Variants in CSMD1 observed in about 807,000 individuals in gnomAD.
CSMD1 encodes CUB and Sushi multiple domains 1.
CSMD1 carries 213 observed loss-of-function variants against 417.5 expected under a neutral mutation model. That is an observed-to-expected ratio of 0.51 (90% CI 0.46 to 0.57). The LOEUF is 0.57. Among genes scored for constraint, CSMD1 ranks in the 20% least tolerant of loss-of-function variants. CSMD1 has a pLI of 0.00. For synonymous variants in CSMD1, 2,862 were observed against 1,736.8 expected, an observed-to-expected ratio of 1.65 and a Z score of -16.11; for missense variants, 6,923 against 4,529.7, an observed-to-expected ratio of 1.53 and a Z score of -15.17.
chr8:3,523,294 C>A (rs1306338928), intron 10 of CSMD1, among the ~76,000 whole-genome samples: 25 of 152,162 alleles, frequency 1.6e-4, no homozygotes, highest in Admixed American at 1.6e-3. Flanking sequence ...TAACCTATTT[C>A]TGTAATTATT....
At position 4,251,178 on chromosome 8, in the gene CSMD1, A is replaced by G. The variant is rs1803043417; in HGVS notation, c.415+168775T>C. On this transcript the variant is annotated intron_variant, in intron 3 of 69. Transcript: ENST00000635120. The stretch of plus-strand genomic sequence containing the variant: ...ATACAAGGCCAATGAAGAAAGGAAT[A>G]TAATAGAAAGTGAACAAGTTTACAA... Among the ~76,000 whole-genome samples the G allele has an allele frequency of 2.0e-5, 3 of 152,204 alleles. No homozygotes were observed. The South Asian group carries it at 6.2e-4, about 32-fold the overall frequency.
At chr8:3,540,671 C>G (rs1325028415) in intron 10 of CSMD1, among the ~76,000 whole-genome samples, 1 of 151,710 alleles carries the variant, frequency 6.6e-6, no homozygotes, top group African/African-American at 2.4e-5. Flanking sequence ...ACAAGGAACT[C>G]AAACAAATTT....
chr8:3,933,253 G>T (rs1252616484), intron 5 of CSMD1, among the ~76,000 whole-genome samples: 5 of 152,146 alleles, frequency 3.3e-5, no homozygotes, highest in Non-Finnish European at 7.4e-5. Context: ...TAGAGTACGT[G>T]TTAAATTGAC....
chr8:3,886,852 C>A (rs185435577), intron 5 of CSMD1, among the ~76,000 whole-genome samples: 1 of 152,116 alleles, frequency 6.6e-6, no homozygotes, highest in Non-Finnish European at 1.5e-5. Context: ...AAACTTTCTG[C>A]CCTCAATGGC....
chr8:4,555,695 G>T (rs1400532208), intron 2 of CSMD1, among the ~76,000 whole-genome samples: 1 of 152,112 alleles, frequency 6.6e-6, no homozygotes, highest in African/African-American at 2.4e-5. Context: ...GTCTCTTTAG[G>T]GGTGAGATTC....
intron 1 of CSMD1, among the ~76,000 whole-genome samples, chr8:4,957,038 C>T (rs1345611439): frequency 6.6e-6 from 1 of 152,172 alleles, no homozygotes; most frequent in Non-Finnish European, 1.5e-5. Context: ...AGAAGAAATT[C>T]AGGAAGAGGA....
At chr8:4,166,012 C>T (rs1417545702) in intron 3 of CSMD1, among the ~76,000 whole-genome samples, 6 of 152,132 alleles carry the variant, frequency 3.9e-5, no homozygotes, top group Admixed American at 6.5e-5. Context: ...CTGTACATCT[C>T]TTTATATCCT....
intron 40 of CSMD1, among the ~76,000 whole-genome samples, chr8:3,148,317 G>A (rs1349694924): frequency 3.9e-5 from 6 of 152,084 alleles, no homozygotes; most frequent in Admixed American, 3.9e-4. Flanking sequence ...AATTTCCAAG[G>A]GTGTGATCTG....
At chr8:3,103,284 G>C (rs1000126357) in intron 46 of CSMD1, among the ~76,000 whole-genome samples, 2 of 152,064 alleles carry the variant, frequency 1.3e-5, no homozygotes, top group Non-Finnish European at 2.9e-5. Context: ...TTCCTCCTCA[G>C]TTTATCTGCA....
At chr8:3,774,391 A>T (rs1014124380) in intron 5 of CSMD1, among the ~76,000 whole-genome samples, 4 of 152,178 alleles carry the variant, frequency 2.6e-5, no homozygotes, top group Non-Finnish European at 4.4e-5. Flanking sequence ...GATGCAAAAC[A>T]CAAGTTTTTC....
rs183627967 is a variant in CSMD1 at position 4,124,692 on chromosome 8, T to G, written c.416-92593A>C. On this transcript the variant is annotated intron_variant, in intron 3 of 69. Transcript: ENST00000635120. ...AATCTGGCTGGACTTCCTAGGTCAA[T>G]AGGGACTTCCCTAAGGGGGCTTTTC... 2.0e-4 allele frequency among the ~76,000 whole-genome samples: 31 copies of G among 152,308 alleles called. No individual in the cohort carries two copies. In the East Asian group the frequency reaches 4.1e-3, roughly 20 times the overall value.
chr8:4,220,700 C>A (rs1800977660), intron 3 of CSMD1, among the ~76,000 whole-genome samples: 1 of 152,090 alleles, frequency 6.6e-6, no homozygotes, highest in East Asian at 1.9e-4. Context: ...AGAACATTTC[C>A]CAGGTGCATG....
At chr8:4,918,656 C>A (rs757960294) in intron 1 of CSMD1, among the ~76,000 whole-genome samples, 5 of 152,120 alleles carry the variant, frequency 3.3e-5, no homozygotes, top group Non-Finnish European at 7.3e-5. Flanking sequence ...TCTTTCTTGA[C>A]CCAATCTCAC....
chr8:3,981,500 T>TAAAAAAAAAAAAAAAA (rs200296436), intron 5 of CSMD1, among the ~76,000 whole-genome samples: 11 of 115,068 alleles, frequency 9.6e-5, no homozygotes, highest in South Asian at 2.8e-4. Flanking sequence ...TAGAAAAAAG[T>TAAAAAAAAAAAAAAAA]AAAAAAAAAA....
chr8:4,115,631 C>T (rs1291117592), intron 3 of CSMD1, among the ~76,000 whole-genome samples: 2 of 152,192 alleles, frequency 1.3e-5, no homozygotes, highest in South Asian at 2.1e-4. Flanking sequence ...TCCACACTTA[C>T]CTGAATGTTT....
intron 23 of CSMD1, among the ~76,000 whole-genome samples, chr8:3,315,477 T>C (rs1422301673): frequency 7.5e-6 from 1 of 133,476 alleles, no homozygotes; most frequent in African/African-American, 2.6e-5. Context: ...TTAAACTATC[T>C]TTTAAATTAT....
chr8:3,906,090 C>G (rs1359283840), intron 5 of CSMD1, among the ~76,000 whole-genome samples: 8 of 152,112 alleles, frequency 5.3e-5, no homozygotes, highest in Non-Finnish European at 8.8e-5. Context: ...TCTTTCCTTC[C>G]CATGATGCTA....
Position 4,077,297 on chromosome 8 carries a change from G to GTATATATATATATA in CSMD1, c.416-45212_416-45199dup, listed in dbSNP as rs200304943. Among the ~76,000 whole-genome samples, 208 of 121,250 alleles carry GTATATATATATATA rather than the reference G, an allele frequency of 1.7e-3. 3 individuals carry two copies. The highest frequency in any genetic ancestry group is 4.4e-3 in the African/African-American group (127 of 28,544). 79.5% of individuals were successfully genotyped at this position (121,250 alleles called of 152,430 possible). On this transcript the variant is annotated intron_variant, in intron 3 of 69. Coordinates refer to ENST00000635120, the MANE Select transcript of CSMD1 (RefSeq NM_033225.6). Reference sequence around the variant, plus strand: ...TTGTCACCTATATATATATATATGTGTATATATATATATATATATATATAT... The same window carrying GTATATATATATATA: ...TTGTCACCTATATATATATATATGTGTATATATATATATATATATATATATATATATATATATAT...
chr8:3,101,692 T>G (rs574679792), intron 46 of CSMD1, among the ~76,000 whole-genome samples: 13 of 151,984 alleles, frequency 8.6e-5, no homozygotes, highest in Admixed American at 1.3e-4. Context: ...CCCAAAGTAA[T>G]AGGATTATAG....
Sources: allele counts gnomAD v4.1 joint callset (sites outside exome capture counted in the v4.1 genomes callset), GRCh38; gene constraint gnomAD v4.1.1; transcripts MANE v1.5; gene names NCBI Gene and HGNC (gene_info 2026-07-23, HGNC 2026-07-21).